Variants in PRKD1 observed in about 807,000 individuals in gnomAD.
PRKD1 encodes the protein protein kinase D1.
A neutral mutation model predicts 95.9 loss-of-function variants in PRKD1; 63 were observed. The observed-to-expected ratio is 0.66, with a 90% confidence interval of 0.54 to 0.81. The LOEUF is 0.81. Ranked by LOEUF, PRKD1 falls within the 30% of genes least tolerant of loss-of-function variation. PRKD1 has a pLI of 0.00. For missense variants in PRKD1, 1,048 were observed against 1,165.3 expected (o/e 0.90, Z 1.47); for synonymous variants, 425 against 423.1 (o/e 1.00, Z -0.05).
chr14:29,773,459 CAA>C (rs397798361), intron 1 of PRKD1, among the ~76,000 whole-genome samples: 1,335 of 86,760 alleles, frequency 0.015, 13 homozygotes, highest in African/African-American at 0.05. Context: ...GGCTCTGTCT[CAA>C]AAAAAAAAAA....
chr14:29,646,809 C>G (rs982026214), intron 4 of PRKD1, among the ~76,000 whole-genome samples: 1 of 151,388 alleles, frequency 6.6e-6, no homozygotes, highest in Non-Finnish European at 1.5e-5. Context: ...TATATTACCT[C>G]TCACACAGGA....
chr14:29,740,649 T>C (rs1886944483), intron 1 of PRKD1, among the ~76,000 whole-genome samples: 1 of 152,210 alleles, frequency 6.6e-6, no homozygotes, highest in African/African-American at 2.4e-5. Flanking sequence ...CCCAGGCTTT[T>C]GGATTTTGAA....
chr14:29,844,617 A>G (rs920593214), intron 1 of PRKD1, among the ~76,000 whole-genome samples: 1 of 152,222 alleles, frequency 6.6e-6, no homozygotes, highest in African/African-American at 2.4e-5. Context: ...ATGGACATGT[A>G]TGTATATCAT....
rs369307733 is a variant in PRKD1 at position 29,638,575 on chromosome 14, A to G, written c.908-9T>C. On this transcript the variant is annotated splice_polypyrimidine_tract_variant and intron_variant, in intron 5 of 17. Coordinates refer to ENST00000331968, the MANE Select transcript of PRKD1 (RefSeq NM_002742.3). ...GCAGTTGAATCTGCAATCTAATCCC[A>G]GTGATTTTCAAACAAAACAAAATGA... The G allele has an allele frequency of 1.2e-6, 2 of 1,614,028 alleles. No individual in the cohort carries two copies. Among genetic ancestry groups the G allele is most frequent in the Non-Finnish European group, 1.7e-6 (2 of 1,179,982 alleles).
intron 1 of PRKD1, among the ~76,000 whole-genome samples, chr14:29,838,251 G>A (rs1004818332): frequency 6.6e-6 from 1 of 152,022 alleles, no homozygotes; most frequent in African/African-American, 2.4e-5. Flanking sequence ...CATGAGCATA[G>A]GGTTAGAAAT....
rs769361111 is a variant in PRKD1, at chr14:29,697,382, G to A, written c.403+28154C>T. Among the ~76,000 whole-genome samples, 8 of 152,158 alleles carry A rather than the reference G, an allele frequency of 5.3e-5. No individual in the cohort carries two copies. In the East Asian group the frequency reaches 1.2e-3, roughly 22 times the overall value. ...TAACAGCATTAGCACAACTCCTAAC[G>A]TTTCTATAGCATAAATGAATACATG... On this transcript the variant is annotated intron_variant, in intron 2 of 17. Coordinates refer to ENST00000331968, the MANE Select transcript of PRKD1 (RefSeq NM_002742.3).
intron 1 of PRKD1, among the ~76,000 whole-genome samples, chr14:29,919,614 G>T (rs1330758369): frequency 2.6e-5 from 4 of 152,074 alleles, no homozygotes; most frequent in African/African-American, 7.2e-5. Flanking sequence ...AAAATGTTTT[G>T]AATAGTTGTA....
chr14:29,806,453 G>GAA (rs140860371), intron 1 of PRKD1, among the ~76,000 whole-genome samples: 21 of 147,670 alleles, frequency 1.4e-4, no homozygotes, highest in African/African-American at 4.2e-4. Context: ...GGTTGCAGGA[G>GAA]AAAAAAAAAA....
intron 16 of PRKD1, among the ~76,000 whole-genome samples, chr14:29,582,138 A>G (rs1212189450): frequency 6.6e-6 from 1 of 152,190 alleles, no homozygotes; most frequent in Non-Finnish European, 1.5e-5. Flanking sequence ...GGAATAATAC[A>G]TTTTAAGTAA....
intron 13 of PRKD1, among the ~76,000 whole-genome samples, chr14:29,606,171 C>G (rs1027705705): frequency 6.6e-6 from 1 of 152,122 alleles, no homozygotes; most frequent in Non-Finnish European, 1.5e-5. Context: ...CGCCACCATG[C>G]CTGGCTAATT....
intron 1 of PRKD1, among the ~76,000 whole-genome samples, chr14:29,752,133 T>G (rs1029454602): frequency 3.3e-5 from 5 of 152,140 alleles, no homozygotes. Flanking sequence ...TACAAGATGT[T>G]AGAAAAAAAG....
At chr14:29,856,690 A>G (rs1343621226) in intron 1 of PRKD1, among the ~76,000 whole-genome samples, 4 of 152,200 alleles carry the variant, frequency 2.6e-5, no homozygotes, top group Non-Finnish European at 5.9e-5. Flanking sequence ...GAAGTCCAGG[A>G]AAGAGTCCAA....
intron 13 of PRKD1, among the ~76,000 whole-genome samples, chr14:29,602,559 A>G (rs1487480571): frequency 6.6e-6 from 1 of 151,436 alleles, no homozygotes; most frequent in East Asian, 2.0e-4. Context: ...CCTCCCGGGT[A>G]GCTGGGATTA....
chr14:29,625,109 A>C (rs1029522703), intron 12 of PRKD1, among the ~76,000 whole-genome samples: 1 of 152,172 alleles, frequency 6.6e-6, no homozygotes, highest in African/African-American at 2.4e-5. Context: ...GCTAGTGTTC[A>C]CTCACCTTAT....
intron 16 of PRKD1, among the ~76,000 whole-genome samples, chr14:29,586,449 A>G (rs1483320389): frequency 6.6e-6 from 1 of 152,198 alleles, no homozygotes; most frequent in Non-Finnish European, 1.5e-5. Flanking sequence ...ACCTCCTCAA[A>G]AGGACTAAGT....
intron 13 of PRKD1, among the ~76,000 whole-genome samples, chr14:29,614,158 T>C (rs552977059): frequency 5.9e-5 from 9 of 152,328 alleles, no homozygotes; most frequent in African/African-American, 2.2e-4. Context: ...TGCTTTGCCA[T>C]GGGGAGAAAA....
chr14:29,640,595 T>C (rs1017204925), intron 4 of PRKD1, among the ~76,000 whole-genome samples: 1 of 152,142 alleles, frequency 6.6e-6, no homozygotes, highest in Non-Finnish European at 1.5e-5. Context: ...ACCAGAATCA[T>C]GAATATATTG....
intron 1 of PRKD1, among the ~76,000 whole-genome samples, chr14:29,786,678 C>A (rs575164753): frequency 6.6e-6 from 1 of 152,140 alleles, no homozygotes; most frequent in African/African-American, 2.4e-5. Flanking sequence ...GTGGTATCAG[C>A]TGTAATGTTC....
At chr14:29,635,284 T>C (rs1467109951) in intron 7 of PRKD1, among the ~76,000 whole-genome samples, 1 of 152,156 alleles carries the variant, frequency 6.6e-6, no homozygotes, top group Non-Finnish European at 1.5e-5. Context: ...AAAATTGGAA[T>C]CTGCTAGTCT....
Sources: allele counts gnomAD v4.1 joint callset (sites outside exome capture counted in the v4.1 genomes callset), GRCh38; gene constraint gnomAD v4.1.1; transcripts MANE v1.5; gene names NCBI Gene and HGNC (gene_info 2026-07-23, HGNC 2026-07-21).